Variants in IRF2BP2 observed in about 807,000 individuals in gnomAD.
The protein encoded by IRF2BP2 is interferon regulatory factor 2 binding protein 2.
IRF2BP2 carries 13 observed loss-of-function variants against 32.7 expected under a neutral mutation model. The ratio of observed to expected loss-of-function variants is 0.40; its 90% CI spans 0.26 to 0.63. The LOEUF is 0.63. Among genes scored for constraint, IRF2BP2 ranks in the 30% least tolerant of loss-of-function variants. The pLI, the probability that IRF2BP2 is intolerant of heterozygous loss-of-function variation, is 0.42. For missense variants in IRF2BP2, 980 were observed against 830.6 expected, an observed-to-expected ratio of 1.18 and a Z score of -2.21; for synonymous variants, 555 against 384.6, an observed-to-expected ratio of 1.44 and a Z score of -5.18.
rs747870654 is a variant in IRF2BP2 at position 234,607,229 on chromosome 1, C to T, written c.1672G>A (p.Val558Met). ...YCPSGEKCPL[V>M]GSNVPWAFMQ... ...AAGGCCCAGGGGACATTGGAGCCCA[C>T]AAGAGGGCATTTTTCCCCACTGGGA... Residue 558 changes from valine to methionine, a missense_variant, in exon 2 of 2, where the codon GTG becomes ATG. Val to Met is a conservative substitution (Grantham distance 21). Transcript: ENST00000366609. 20 of 1,614,110 alleles carry T rather than the reference C, an allele frequency of 1.2e-5. No homozygotes were observed. The highest frequency in any genetic ancestry group is 1.4e-5 in the Non-Finnish European group (17 of 1,180,044).
rs747343940 is a variant in IRF2BP2 at position 234,608,939 on chromosome 1, G to C, written c.556C>G (p.Pro186Ala). ...PNPRRGHAVP[P>A]TLVPLMNGSA... ...CCGTTCATGAGCGGCACCAGGGTGGGCGGCACCGCGTGGCCGCGCCGCGGG... is the reference window on the plus strand; with the variant it reads ...CCGTTCATGAGCGGCACCAGGGTGGCCGGCACCGCGTGGCCGCGCCGCGGG... Residue 186 changes from proline to alanine, a missense_variant, in exon 1 of 2, where the codon CCC (proline) becomes GCC (alanine). Transcript: ENST00000366609. 7.3e-7 allele frequency: 1 copy of C among 1,365,482 alleles called. No individual in the cohort carries two copies. Among genetic ancestry groups the C allele is most frequent in the Non-Finnish European group, 9.4e-7 (1 of 1,063,994 alleles). 84.6% of individuals were successfully genotyped at this position (1,365,482 alleles called of 1,614,324 possible).
Position 234,607,130 on chromosome 1 carries a change from G to A in IRF2BP2, c.*7C>T, listed in dbSNP as rs372505018. 1.9e-6 allele frequency: 3 copies of A among 1,598,486 alleles called. No homozygotes were observed. Among genetic ancestry groups the A allele is most frequent in the Non-Finnish European group, 1.7e-6 (2 of 1,169,316 alleles). On this transcript the variant is annotated 3_prime_UTR_variant, in exon 2 of 2. Coordinates refer to ENST00000366609, the MANE Select transcript of IRF2BP2 (RefSeq NM_182972.3). ...GTAATCATTGGGTTTTTCTGAAACCGGAAAAGTCACGAGTCTCTCTCTTTT... is the reference window on the plus strand; with the variant it reads ...GTAATCATTGGGTTTTTCTGAAACCAGAAAAGTCACGAGTCTCTCTCTTTT...
Position 234,609,239 on chromosome 1 carries a change from G to C in IRF2BP2, c.256C>G (p.Leu86Val). ...TGCAAAAGGATGTCCTTGGCGGAGA[G>C]CGGCGGCGGCTTGGCGGCGGCCGAG... ...AASAAAKPPPLSAKDILLQQQ... is the reference protein window; with the variant it reads ...AASAAAKPPPVSAKDILLQQQ... Residue 86 changes from leucine (L) to valine (V), a missense_variant, in exon 1 of 2, where the codon CTC (leucine) becomes GTC (valine). Physicochemically the swap from Leu to Val is conservative, Grantham distance 32. Coordinates refer to ENST00000366609, the MANE Select transcript of IRF2BP2 (RefSeq NM_182972.3). 1 of 1,357,518 alleles carries C rather than the reference G, an allele frequency of 7.4e-7. No homozygotes were observed. The highest frequency in any genetic ancestry group is 9.4e-7 in the Non-Finnish European group (1 of 1,058,958). The allele number at this position is 1,357,518 out of a possible 1,614,324, so 84.1% of individuals were successfully genotyped here.
Position 234,608,791 on chromosome 1 carries a change from T to G in IRF2BP2, c.704A>C (p.His235Pro). The G allele has an allele frequency of 7.0e-7, 1 of 1,433,390 alleles. No individual in the cohort carries two copies. Among genetic ancestry groups the G allele is most frequent in the Non-Finnish European group, 9.1e-7 (1 of 1,101,872 alleles). 88.8% of individuals were successfully genotyped at this position (1,433,390 alleles called of 1,614,324 possible). ...GCTCGACACGGATGCCGGCCGCTTG[T>G]GGGCGCCCAGATCGGTGGGCTGCGC... ...GSAQPTDLGA[H>P]KRPASVSSSA... The change falls in exon 1 of 2, where the codon CAC (histidine) becomes CCC (proline). Residue 235 changes from histidine (H) to proline (P), a missense_variant. By Grantham distance (77) the His-to-Pro change is moderately conservative. Coordinates refer to ENST00000366609, the MANE Select transcript of IRF2BP2 (RefSeq NM_182972.3).
Position 234,606,977 on chromosome 1 carries a change from TATAG to T in IRF2BP2, c.*156_*159del. ...ACATACCTTTTGTCGTCAAAAAAAATATAGAAACACAATGTATTCAAAAAAAATC... is the reference window on the plus strand; with the variant it reads ...ACATACCTTTTGTCGTCAAAAAAAATAAACACAATGTATTCAAAAAAAATC... On this transcript the variant is annotated 3_prime_UTR_variant, in exon 2 of 2. Transcript: ENST00000366609. 5.1e-6 allele frequency: 3 copies of T among 588,414 alleles called. No individual in the cohort carries two copies. Among genetic ancestry groups the T allele is most frequent in the Non-Finnish European group, 8.8e-6 (3 of 342,448 alleles). 36.4% of individuals were successfully genotyped at this position (588,414 alleles called of 1,614,324 possible).
Position 234,608,470 on chromosome 1 carries a change from T to C in IRF2BP2, c.1025A>G (p.Asn342Ser), listed in dbSNP as rs760718630. 1.3e-6 allele frequency: 2 copies of C among 1,594,012 alleles called. No individual in the cohort carries two copies. The highest frequency in any genetic ancestry group is 1.7e-5 in the Admixed American group (1 of 58,698). The change falls in exon 1 of 2, where the codon AAC becomes AGC. Residue 342 changes from asparagine to serine, a missense_variant. Coordinates refer to ENST00000366609, the MANE Select transcript of IRF2BP2 (RefSeq NM_182972.3). ...TAGRLLGFEA[N>S]GANGSKAVAR... is the part of the protein sequence containing the mutation. ...ACCTGCTTTAGACCCGTTGGCCCCG[T>C]TGGCCTCGAAACCCAACAACCTGCC...
chr1:234,607,506 G>A lies in IRF2BP2; in HGVS notation c.1395C>T (p.Asn465=). ...CCTCTCTGGGGCCCAGCCTTCTTTG[G>A]TTCATAGAGGACGGAGAGGGCGGAC... ...SNSPPSPSSM[N]QRRLGPREVG... is the part of the protein sequence containing the mutation. Residue 465 remains asparagine, a synonymous_variant, in exon 2 of 2, where the codon AAC becomes AAT. Transcript: ENST00000366609. The A allele has an allele frequency of 1.2e-6, 2 of 1,614,120 alleles. No homozygotes were observed. Among genetic ancestry groups the A allele is most frequent in the Non-Finnish European group, 1.7e-6 (2 of 1,179,952 alleles).
At position 234,607,547 on chromosome 1, in the gene IRF2BP2, T is replaced by C; in HGVS notation, c.1354A>G (p.Arg452Gly). 6.2e-7 allele frequency: 1 copy of C among 1,614,230 alleles called. No homozygotes were observed. Among genetic ancestry groups the C allele is most frequent in the Non-Finnish European group, 8.5e-7 (1 of 1,180,034 alleles). ...KDANQVHSTT[R>G]RNSNSPPSPS... ...GAGGGCGGACTGTTGCTATTCCTCC[T>C]GGTAGTGGAGTGAACCTGGTTGGCA... is the stretch of plus-strand genomic sequence containing the variant. The change falls in exon 2 of 2, where the codon AGG becomes GGG. Residue 452 changes from arginine to glycine, a missense_variant. By Grantham distance (125) the Arg-to-Gly change is moderately radical. Transcript: ENST00000366609.
chr1:234,609,641 G>A lies in IRF2BP2; in HGVS notation c.-147C>T, dbSNP rs1396317594. The stretch of plus-strand genomic sequence containing the variant: ...GGCGGCGGCGGCCGCAAAGGCGGCG[G>A]CGGCGGCGGCAAAGCCCGCGAAGGC... On this transcript the variant is annotated 5_prime_UTR_variant, in exon 1 of 2. Transcript: ENST00000366609. 6.6e-6 allele frequency: 2 copies of A among 301,610 alleles called. No homozygotes were observed. Among genetic ancestry groups the A allele is most frequent in the Non-Finnish European group, 1.1e-5 (2 of 178,526 alleles). 18.7% of individuals were successfully genotyped at this position (301,610 alleles called of 1,614,324 possible).
rs1672285804 is a variant in IRF2BP2, at chr1:234,609,583, C to T, written c.-89G>A. On this transcript the variant is annotated 5_prime_UTR_variant, in exon 1 of 2. Transcript: ENST00000366609. ...CCCCACCGGCACCACGCGCGCCCTC[C>T]TCCCCCCCCAACCCCGCGTCTCCCC... is the stretch of plus-strand genomic sequence containing the variant. The T allele has an allele frequency of 2.7e-6, 2 of 740,808 alleles. No homozygotes were observed. Among genetic ancestry groups the T allele is most frequent in the African/African-American group, 3.8e-5 (2 of 52,800 alleles). The allele number at this position is 740,808 out of a possible 1,614,324, so 45.9% of individuals were successfully genotyped here.
rs1672292594 is a variant in IRF2BP2 at position 234,609,708 on chromosome 1, GCGCGAGGTGAGGGGCTGCAGC to G, written c.-235_-215del. On this transcript the variant is annotated 5_prime_UTR_variant, in exon 1 of 2. Transcript: ENST00000366609. ...GCCCCCGGTGCACGAGGGGCGGCGG[GCGCGAGGTGAGGGGCTGCAGC>G]CGCGGCAGCAGTTCCCCCCGGCCGG... Among the ~76,000 whole-genome samples, 1 of 144,816 alleles carries G rather than the reference GCGCGAGGTGAGGGGCTGCAGC, an allele frequency of 6.9e-6. No homozygotes were observed. The highest frequency in any genetic ancestry group is 6.8e-5 in the Admixed American group (1 of 14,670).
Position 234,605,583 on chromosome 1 carries a change from A to G in IRF2BP2, c.*1554T>C, listed in dbSNP as rs1440833034. On this transcript the variant is annotated 3_prime_UTR_variant, in exon 2 of 2. Transcript: ENST00000366609. Reference sequence around the variant, plus strand: ...AGTTGGTAAAAATCTGTATTTTCAAATGTAAATAGAAGCTAGGCTGTGAAC... The same window carrying G: ...AGTTGGTAAAAATCTGTATTTTCAAGTGTAAATAGAAGCTAGGCTGTGAAC... 1 of 152,252 alleles carries G rather than the reference A, an allele frequency of 6.6e-6. No homozygotes were observed. Among genetic ancestry groups the G allele is most frequent in the South Asian group, 2.1e-4 (1 of 4,832 alleles). The allele number at this position is 152,252 out of a possible 1,614,324, so 9.4% of individuals were successfully genotyped here.
At position 234,607,865 on chromosome 1, in the gene IRF2BP2, A is replaced by C. The variant is rs755093089; in HGVS notation, c.1049-13T>G. The C allele has an allele frequency of 2.2e-5, 34 of 1,532,908 alleles. No individual in the cohort carries two copies. The highest frequency in any genetic ancestry group is 2.9e-5 in the Non-Finnish European group (33 of 1,138,590). The allele number at this position is 1,532,908 out of a possible 1,614,324, so 95.0% of individuals were successfully genotyped here. Reference sequence around the variant, plus strand: ...GCTGTTCTTGCAACTGGAAACACAAAGAAATAAAAGGAAAAAGGTAACATA... The same window carrying C: ...GCTGTTCTTGCAACTGGAAACACAACGAAATAAAAGGAAAAAGGTAACATA... On this transcript the variant is annotated splice_polypyrimidine_tract_variant and intron_variant, in intron 1 of 1. Coordinates refer to ENST00000366609, the MANE Select transcript of IRF2BP2 (RefSeq NM_182972.3).
chr1:234,608,969 G>C lies in IRF2BP2; in HGVS notation c.526C>G (p.Pro176Ala). 1 of 1,359,868 alleles carries C rather than the reference G, an allele frequency of 7.4e-7. No individual in the cohort carries two copies. The highest frequency in any genetic ancestry group is 9.4e-7 in the Non-Finnish European group (1 of 1,060,664). 84.2% of individuals were successfully genotyped at this position (1,359,868 alleles called of 1,614,324 possible). A position where few individuals can be genotyped will look rare whatever the true frequency, so the allele number is the denominator to read the frequency against. Residue 176 changes from proline to alanine, a missense_variant, in exon 1 of 2, where the codon CCG becomes GCG. Pro to Ala is a conservative substitution (Grantham distance 27). Coordinates refer to ENST00000366609, the MANE Select transcript of IRF2BP2 (RefSeq NM_182972.3). The stretch of plus-strand genomic sequence containing the variant: ...ACCGCGTGGCCGCGCCGCGGGTTCG[G>C]GCTCTGGCGATTCAGCTCGGGCGGC... Reference protein sequence around the residue: ...EEPPELNRQSPNPRRGHAVPP... With the variant: ...EEPPELNRQSANPRRGHAVPP...
In IRF2BP2 at chr1:234,609,020, G is replaced by A. The variant is rs760691037; in HGVS notation, c.475C>T (p.Pro159Ser). The A allele has an allele frequency of 5.3e-6, 7 of 1,324,948 alleles. No individual in the cohort carries two copies. The highest frequency in any genetic ancestry group is 3.1e-5 in the Admixed American group (1 of 32,004). 82.1% of individuals were successfully genotyped at this position (1,324,948 alleles called of 1,614,324 possible). The stretch of plus-strand genomic sequence containing the variant: ...TCCTCTAGCTTGGAGAAGCCGTTGG[G>A]CACCAGGATGCCGTTCACGGGCGGC... The part of the protein sequence containing the change: ...QPPPVNGILV[P>S]NGFSKLEEPP... Residue 159 changes from proline (P) to serine (S), a missense_variant, in exon 1 of 2, where the codon CCC becomes TCC. Coordinates refer to ENST00000366609, the MANE Select transcript of IRF2BP2 (RefSeq NM_182972.3).
Position 234,609,831 on chromosome 1 carries a change from C to T in IRF2BP2, c.-337G>A, listed in dbSNP as rs921688257. On this transcript the variant is annotated 5_prime_UTR_variant, in exon 1 of 2. Transcript: ENST00000366609. ...GGGGCTCGGCCGGAGCCGCGGCGGG[C>T]CTCCAGACCGGGGCGAAGACGGGCC... Among the ~76,000 whole-genome samples the T allele has an allele frequency of 1.4e-5, 2 of 142,964 alleles. No individual in the cohort carries two copies. The highest frequency in any genetic ancestry group is 2.5e-5 in the African/African-American group (1 of 39,912). The allele number at this position is 142,964 out of a possible 152,430, so 93.8% of individuals were successfully genotyped here. A position where few individuals can be genotyped will look rare whatever the true frequency, so the allele number is the denominator to read the frequency against.
In IRF2BP2 at chr1:234,606,413, C is replaced by T. The variant is rs1407530194; in HGVS notation, c.*724G>A. The T allele has an allele frequency of 6.6e-6, 1 of 151,832 alleles. No homozygotes were observed. Among genetic ancestry groups the T allele is most frequent in the Non-Finnish European group, 1.5e-5 (1 of 67,998 alleles). 9.4% of individuals were successfully genotyped at this position (151,832 alleles called of 1,614,324 possible). On this transcript the variant is annotated 3_prime_UTR_variant, in exon 2 of 2. Transcript: ENST00000366609. ...ACCAACTAGCATGCAGCATTGTAAT[C>T]TTACAACTGATCACGTGGACAGTGA...
Position 234,607,716 on chromosome 1 carries a change from G to A in IRF2BP2, c.1185C>T (p.Ser395=). 3 of 1,614,206 alleles carry A rather than the reference G, an allele frequency of 1.9e-6. No homozygotes were observed. The highest frequency in any genetic ancestry group is 2.5e-6 in the Non-Finnish European group (3 of 1,180,032). Residue 395 remains serine (S), a synonymous_variant, in exon 2 of 2, where the codon TCC becomes TCT. Transcript: ENST00000366609. ...EGLKIPMTPT[S]SFVSPPPPTA... ...TGGGTGGTGGCGGAGACACAAAAGA[G>A]GATGTAGGAGTCATGGGGATCTTGA...
In IRF2BP2 at chr1:234,607,686, G is replaced by C; in HGVS notation, c.1215C>G (p.Ala405=). 1 of 1,614,202 alleles carries C rather than the reference G, an allele frequency of 6.2e-7. No homozygotes were observed. Among genetic ancestry groups the C allele is most frequent in the Non-Finnish European group, 8.5e-7 (1 of 1,180,028 alleles). Residue 405 remains alanine, a synonymous_variant, in exon 2 of 2, where the codon GCC becomes GCG. Transcript: ENST00000366609. Reference sequence around the variant, plus strand: ...GTGTGGTCCGGTTGGAATGAGGTGAGGCAGTGGGTGGTGGCGGAGACACAA... The same window carrying C: ...GTGTGGTCCGGTTGGAATGAGGTGACGCAGTGGGTGGTGGCGGAGACACAA... ...SSFVSPPPPT[A]SPHSNRTTPP...
Sources: gnomAD v4.1 joint callset for allele counts (sites outside exome capture counted in the v4.1 genomes callset) on GRCh38, gnomAD v4.1.1 for gene constraint, MANE v1.5 for transcripts, NCBI Gene and HGNC (gene_info 2026-07-23, HGNC 2026-07-21) for gene names.